The following PCDH9 variants were observed in gnomAD, a reference collection of about 807,000 sequenced individuals.
The protein encoded by PCDH9 is protocadherin-9.
A neutral mutation model predicts 70.6 loss-of-function variants in PCDH9; 24 were observed. That is an observed-to-expected ratio of 0.34 (90% CI 0.25 to 0.48). PCDH9 has a LOEUF of 0.48. PCDH9 is among the 20% of genes least tolerant of loss of function. PCDH9 has a pLI of 0.99. For missense variants in PCDH9, 1,281 were observed against 1,503.6 expected (o/e 0.85, Z 2.45); for synonymous variants, 562 against 558.5 (o/e 1.01, Z -0.09).
chr13:66,535,038 T>C (rs903529338), intron 4 of PCDH9, among the ~76,000 whole-genome samples: 5 of 152,180 alleles, frequency 3.3e-5, no homozygotes, highest in Non-Finnish European at 7.4e-5. Flanking sequence ...CTGAGTCCTT[T>C]GATCCAAATC....
intron 2 of PCDH9, among the ~76,000 whole-genome samples, chr13:67,127,676 A>ATATGTGTGTG (rs1555310054): frequency 4.8e-5 from 7 of 145,490 alleles, no homozygotes; most frequent in Non-Finnish European, 7.5e-5. Context: ...ATATATATAT[A>ATATGTGTGTG]TGTGTGTGTG....
chr13:66,423,417 C>T (rs1397816345), intron 4 of PCDH9, among the ~76,000 whole-genome samples: 6 of 151,290 alleles, frequency 4.0e-5, no homozygotes, highest in Non-Finnish European at 8.8e-5. Flanking sequence ...AACATCATTG[C>T]GAAAATCCTC....
chr13:66,309,134 T>C (rs1043995601), intron 4 of PCDH9, among the ~76,000 whole-genome samples: 4 of 152,030 alleles, frequency 2.6e-5, no homozygotes, highest in Non-Finnish European at 5.9e-5. Context: ...TAGGGAAAAG[T>C]TTAATTTGTT....
chr13:66,813,384 A>G (rs1004242240), intron 3 of PCDH9, among the ~76,000 whole-genome samples: 8 of 152,088 alleles, frequency 5.3e-5, no homozygotes, highest in South Asian at 4.1e-4. Context: ...CCTCTGGTGT[A>G]CAGTTGATAC....
intron 2 of PCDH9, chr13:67,001,723 G>A (rs1480133147): frequency 1.3e-5 from 2 of 152,220 alleles, no homozygotes; most frequent in Non-Finnish European, 2.9e-5. Flanking sequence ...TGAATCCCAG[G>A]TACCCCGCTT....
At chr13:66,693,850 A>G (rs7322694) in intron 3 of PCDH9, among the ~76,000 whole-genome samples, 30,615 of 152,176 alleles carry the variant, frequency 0.2, 3,316 homozygotes, top group Middle Eastern at 0.31. Flanking sequence ...ACACTTTTGC[A>G]TGCCAAATGG....
At chr13:67,067,964 A>G (rs2085683912) in intron 2 of PCDH9, among the ~76,000 whole-genome samples, 1 of 152,174 alleles carries the variant, frequency 6.6e-6, no homozygotes, top group African/African-American at 2.4e-5. Context: ...GGTTAGAACC[A>G]GTTGTGATGA....
intron 3 of PCDH9, among the ~76,000 whole-genome samples, chr13:66,778,376 G>T (rs2079935430): frequency 6.6e-6 from 1 of 152,004 alleles, no homozygotes; most frequent in Admixed American, 6.5e-5. Flanking sequence ...TACAAAAATA[G>T]CCCCTGGGTT....
At chr13:67,023,134 G>A (rs2084711284) in intron 2 of PCDH9, among the ~76,000 whole-genome samples, 1 of 151,258 alleles carries the variant, frequency 6.6e-6, no homozygotes, top group South Asian at 2.1e-4. Context: ...AGGGGTTTAG[G>A]AAAGCTATCA....
intron 4 of PCDH9, among the ~76,000 whole-genome samples, chr13:66,371,810 A>G (rs928483975): frequency 6.6e-6 from 1 of 151,936 alleles, no homozygotes; most frequent in African/African-American, 2.4e-5. Flanking sequence ...CATTACTTAC[A>G]TTTTTTCCTC....
At chr13:67,013,687 C>T (rs928358573) in intron 2 of PCDH9, among the ~76,000 whole-genome samples, 1 of 151,372 alleles carries the variant, frequency 6.6e-6, no homozygotes, top group African/African-American at 2.4e-5. Context: ...CTCATTCATC[C>T]TTAATTGGTT....
chr13:66,306,018 C>G (rs1955458583), intron 4 of PCDH9, among the ~76,000 whole-genome samples: 1 of 151,814 alleles, frequency 6.6e-6, no homozygotes, highest in Admixed American at 6.6e-5. Context: ...TCTTACCCCC[C>G]TTGATTAAAC....
intron 2 of PCDH9, among the ~76,000 whole-genome samples, chr13:67,161,061 A>C (rs2087945114): frequency 6.6e-6 from 1 of 152,252 alleles, no homozygotes; most frequent in African/African-American, 2.4e-5. Context: ...GGTGCTTTTC[A>C]TCACACTTCC....
intron 4 of PCDH9, among the ~76,000 whole-genome samples, chr13:66,547,889 AATC>A (rs1961278926): frequency 7.3e-6 from 1 of 136,560 alleles, no homozygotes; most frequent in Admixed American, 7.3e-5. Context: ...TATGATATTT[AATC>A]ATATTATTAT....
intron 3 of PCDH9, among the ~76,000 whole-genome samples, chr13:66,709,533 T>A (rs7324234): frequency 0.018 from 2,711 of 152,180 alleles, 92 homozygotes; most frequent in African/African-American, 0.062. Flanking sequence ...AATTAACCAA[T>A]CTTAAAAAAC....
chr13:66,684,615 C>T (rs1425796341), intron 3 of PCDH9, among the ~76,000 whole-genome samples: 2 of 152,124 alleles, frequency 1.3e-5, no homozygotes, highest in South Asian at 2.1e-4. Flanking sequence ...GATGTGTTTG[C>T]CTTCCCTTCA....
chr13:66,996,754 C>T (rs2084124682), intron 2 of PCDH9, among the ~76,000 whole-genome samples: 1 of 152,128 alleles, frequency 6.6e-6, no homozygotes, highest in Non-Finnish European at 1.5e-5. Context: ...GTGAATAGTA[C>T]TGTTTGGCTA....
At chr13:66,980,501 T>C (rs1343918235) in intron 2 of PCDH9, among the ~76,000 whole-genome samples, 1 of 152,144 alleles carries the variant, frequency 6.6e-6, no homozygotes, top group Non-Finnish European at 1.5e-5. Context: ...TTCTAGAAAT[T>C]TTTATCTATC....
rs185803458 is a variant in PCDH9 at position 66,485,612 on chromosome 13, T to G, written c.3340+145598A>C. On this transcript the variant is annotated intron_variant, in intron 4 of 4. Coordinates refer to ENST00000377865, the MANE Select transcript of PCDH9 (RefSeq NM_203487.3). ...TATGCATATGACAAAATCATATATATAGAGAGAGAGACAGAGACATAGAAA... is the reference window on the plus strand; with the variant it reads ...TATGCATATGACAAAATCATATATAGAGAGAGAGAGACAGAGACATAGAAA... Among the ~76,000 whole-genome samples the G allele has an allele frequency of 5.2e-4, 79 of 151,798 alleles. 1 individual carries two copies. In the East Asian group the frequency reaches 7.4e-3, roughly 14 times the overall value.
Sources: allele counts gnomAD v4.1 joint callset (sites outside exome capture counted in the v4.1 genomes callset), GRCh38; gene constraint gnomAD v4.1.1; transcripts MANE v1.5; gene names NCBI Gene and HGNC (gene_info 2026-07-23, HGNC 2026-07-21).